HIRA: variants seen among roughly 807,000 people sequenced by gnomAD.
HIRA encodes the protein histone cell cycle regulator.
Under a neutral mutation model 126.6 loss-of-function variants are expected in HIRA, and 13 were observed. The ratio of observed to expected loss-of-function variants is 0.10; its 90% CI spans 0.07 to 0.16. The LOEUF (loss-of-function observed/expected upper bound fraction) is 0.16. Ranked by LOEUF, HIRA falls within the 10% of genes least tolerant of loss-of-function variation. The probability of loss-of-function intolerance (pLI) is 1.00; values close to 1 mark genes in which losing one functional copy is unlikely to be tolerated. For synonymous variants in HIRA, 511 were observed against 520.0 expected, an observed-to-expected ratio of 0.98 and a Z score of 0.24; for missense variants, 834 against 1,314.4, an observed-to-expected ratio of 0.63 and a Z score of 5.65.
chr22:19,350,637 A>G (rs2088745975), intron 24 of HIRA, among the ~76,000 whole-genome samples: 1 of 151,618 alleles, frequency 6.6e-6, no homozygotes, highest in African/African-American at 2.4e-5. Context: ...TACAGAAGAT[A>G]CTCCCTGACT....
At position 19,390,399 on chromosome 22, in the gene HIRA, C is replaced by T. The variant is rs2089167452; in HGVS notation, c.936+1702G>A. Among the ~76,000 whole-genome samples the T allele has an allele frequency of 2.6e-5, 4 of 151,868 alleles. No individual in the cohort carries two copies. In the South Asian group the frequency reaches 8.3e-4, roughly 32 times the overall value. ...CCTGAGGTCAGGAGTTTGTGACCAG[C>T]CTGGACAACATGGTGAAACCCCATC... On this transcript the variant is annotated intron_variant, in intron 9 of 24. Transcript: ENST00000263208.
At chr22:19,346,202 T>C (rs530614556) in intron 24 of HIRA, among the ~76,000 whole-genome samples, 1 of 152,326 alleles carries the variant, frequency 6.6e-6, no homozygotes, top group Non-Finnish European at 1.5e-5. Context: ...TCCACTTGAA[T>C]GACCAATTCT....
intron 24 of HIRA, among the ~76,000 whole-genome samples, chr22:19,334,457 T>C (rs71313923): frequency 0.97 from 145,714 of 150,244 alleles, 70,743 homozygotes; most frequent in African/African-American, 0.99. Context: ...TCGAGACCAG[T>C]CTGGCCAACA....
intron 1 of HIRA, among the ~76,000 whole-genome samples, chr22:19,422,032 A>G (rs761665497): frequency 6.6e-6 from 1 of 151,906 alleles, no homozygotes; most frequent in African/African-American, 2.4e-5. Flanking sequence ...CCATAACCCA[A>G]ACTTTCAGGA....
chr22:19,332,135 A>C (rs782387112), intron 24 of HIRA, among the ~76,000 whole-genome samples: 64 of 152,354 alleles, frequency 4.2e-4, no homozygotes, highest in Non-Finnish European at 7.6e-4. Context: ...AAGCATTGCC[A>C]GTTGGGGTCT....
chr22:19,341,828 G>A (rs5746723), intron 24 of HIRA, among the ~76,000 whole-genome samples: 83,880 of 152,048 alleles, frequency 0.55, 23,472 homozygotes, highest in Admixed American at 0.62. Context: ...TTAAATCTAC[G>A]ATCTGAAACC....
intron 14 of HIRA, among the ~76,000 whole-genome samples, chr22:19,377,038 C>T (rs997553423): frequency 2.0e-5 from 3 of 152,220 alleles, no homozygotes; most frequent in African/African-American, 7.2e-5. Context: ...TCTTCTTGGC[C>T]TTCCTCAGGG....
intron 5 of HIRA, among the ~76,000 whole-genome samples, chr22:19,402,586 C>T (rs538886138): frequency 6.6e-6 from 1 of 152,314 alleles, no homozygotes; most frequent in Admixed American, 6.5e-5. Context: ...GTTCCAAGAG[C>T]TTTATCCCCC....
intron 24 of HIRA, among the ~76,000 whole-genome samples, chr22:19,345,805 A>G (rs939204619): frequency 5.9e-5 from 9 of 152,186 alleles, no homozygotes; most frequent in Non-Finnish European, 1.2e-4. Flanking sequence ...GAGCCAGAAC[A>G]AAGCCCAGGA....
chr22:19,427,927 A>G (rs759964742), intron 1 of HIRA, among the ~76,000 whole-genome samples: 9 of 152,248 alleles, frequency 5.9e-5, no homozygotes, highest in Non-Finnish European at 1.2e-4. Flanking sequence ...ATTTTGGTCA[A>G]TTCTAAAATA....
Position 19,408,522 on chromosome 22 carries a change from T to C in HIRA, c.172A>G (p.Asn58Asp). Reference sequence around the variant, plus strand: ...ATCTGGCAAAGCATCTTGGGAATATTTTCATCCTTCTCGTCATCCTCCTGG... The same window carrying C: ...ATCTGGCAAAGCATCTTGGGAATATCTTCATCCTTCTCGTCATCCTCCTGG... Reference protein sequence around the residue: ...VLQEDDEKDENIPKMLCQMDN... With the variant: ...VLQEDDEKDEDIPKMLCQMDN... Residue 58 changes from asparagine to aspartate, a missense_variant, in exon 3 of 25, where the codon AAT (asparagine) becomes GAT (aspartate). Transcript: ENST00000263208. 6.2e-7 allele frequency: 1 copy of C among 1,613,662 alleles called. No homozygotes were observed. Among genetic ancestry groups the C allele is most frequent in the Non-Finnish European group, 8.5e-7 (1 of 1,179,538 alleles).
rs782045405 is a variant in HIRA, at chr22:19,354,002, G to T, written c.2678C>A (p.Thr893Asn). Residue 893 changes from threonine to asparagine, a missense_variant, in exon 22 of 25, where the codon ACC (threonine) becomes AAC (asparagine). By Grantham distance (65) the Thr-to-Asn change is moderately conservative. Transcript: ENST00000263208. ...TGGCATTCAGGTCACGTACTTGGAG[G>T]TGCGGCCCTGGATTATGGCTAACGG... ...SGPLAIIQGR[T>N]SNSGRQAARL... The T allele has an allele frequency of 6.2e-7, 1 of 1,613,250 alleles. No individual in the cohort carries two copies. Among genetic ancestry groups the T allele is most frequent in the South Asian group, 1.1e-5 (1 of 90,774 alleles).
At chr22:19,354,673 C>G (rs1470189437) in intron 21 of HIRA, among the ~76,000 whole-genome samples, 3 of 152,214 alleles carry the variant, frequency 2.0e-5, no homozygotes, top group African/African-American at 7.2e-5. Flanking sequence ...TACAGAGAGT[C>G]AATATTTCTC....
intron 5 of HIRA, among the ~76,000 whole-genome samples, chr22:19,401,666 G>A (rs1054853850): frequency 3.3e-5 from 5 of 152,160 alleles, no homozygotes; most frequent in South Asian, 2.1e-4. Flanking sequence ...ACCATAGTCC[G>A]GGAAGCCATC....
intron 24 of HIRA, among the ~76,000 whole-genome samples, chr22:19,339,936 T>G (rs1812635753): frequency 6.6e-6 from 1 of 152,228 alleles, no homozygotes; most frequent in Non-Finnish European, 1.5e-5. Flanking sequence ...TGAATTCTAT[T>G]GAACATTCAA....
chr22:19,364,144 T>C (rs2088891243), intron 15 of HIRA, among the ~76,000 whole-genome samples: 1 of 150,632 alleles, frequency 6.6e-6, no homozygotes, highest in Non-Finnish European at 1.5e-5. Context: ...TAAACTGCTC[T>C]AACAAATAAA....
chr22:19,375,449 A>G (rs567150072), intron 15 of HIRA, among the ~76,000 whole-genome samples, 182 bp downstream of exon 15: 1 of 152,220 alleles, frequency 6.6e-6, no homozygotes, highest in South Asian at 2.1e-4. Flanking sequence ...TCCCACTTCA[A>G]GGAACCACCT....
At chr22:19,416,191 G>A (rs567551153) in intron 1 of HIRA, among the ~76,000 whole-genome samples, 2 of 152,246 alleles carry the variant, frequency 1.3e-5, no homozygotes, top group South Asian at 2.1e-4. Flanking sequence ...GAATGAAGTT[G>A]GATCCCTATC....
intron 5 of HIRA, among the ~76,000 whole-genome samples, chr22:19,400,601 A>C (rs1431329804): frequency 1.3e-5 from 2 of 151,790 alleles, no homozygotes; most frequent in African/African-American, 4.8e-5. Flanking sequence ...TTTCTCCTAA[A>C]CTCCCAGTTT....
Sources: allele counts gnomAD v4.1 joint callset (sites outside exome capture counted in the v4.1 genomes callset), GRCh38; gene constraint gnomAD v4.1.1; transcripts MANE v1.5; gene names NCBI Gene and HGNC (gene_info 2026-07-23, HGNC 2026-07-21).